The following ARHGAP44 variants were observed in gnomAD, a reference collection of about 807,000 sequenced individuals.
The protein encoded by ARHGAP44 is rho GTPase-activating protein 44.
ARHGAP44 carries 43 observed loss-of-function variants against 106.8 expected under a neutral mutation model. The observed-to-expected ratio is 0.40, with a 90% CI of 0.32 to 0.52. The LOEUF is 0.52. Ranked by LOEUF, ARHGAP44 falls within the 20% of genes least tolerant of loss-of-function variation. The pLI is 0.48. For synonymous variants in ARHGAP44, 439 were observed against 410.3 expected (o/e 1.07, Z -0.85); for missense variants, 866 against 1,050.5 (o/e 0.82, Z 2.43).
chr17:12,969,221 A>C (rs1467840131), intron 16 of ARHGAP44, among the ~76,000 whole-genome samples: 1 of 152,170 alleles, frequency 6.6e-6, no homozygotes, highest in Non-Finnish European at 1.5e-5. Flanking sequence ...GCTGTGCCTG[A>C]TGTCAGCAGT....
In ARHGAP44 at chr17:12,989,345, C is replaced by T. The variant is rs115565394; in HGVS notation, c.2318-687C>T. Among the ~76,000 whole-genome samples the T allele has an allele frequency of 4.6e-3, 705 of 152,216 alleles. 7 individuals carry two copies. Among genetic ancestry groups the T allele is most frequent in the African/African-American group, 0.016 (672 of 41,524 alleles). On this transcript the variant is annotated intron_variant, in intron 20 of 20. Coordinates refer to ENST00000379672, the MANE Select transcript of ARHGAP44 (RefSeq NM_014859.6). The stretch of plus-strand genomic sequence containing the variant: ...CAGCTGCCAGTCTAAGGACTTCTGT[C>T]GTCTTTGCCGACTCAGAGACGTCCA...
At chr17:12,879,700 C>T (rs199602138) in intron 1 of ARHGAP44, among the ~76,000 whole-genome samples, 8 of 19,378 alleles carry the variant, frequency 4.1e-4, no homozygotes, top group Admixed American at 1.5e-3. Flanking sequence ...TATATATACA[C>T]ATACACACAC....
intron 6 of ARHGAP44, among the ~76,000 whole-genome samples, chr17:12,926,475 AATAT>A (rs5819391): frequency 0.14 from 18,081 of 130,020 alleles, 2,048 homozygotes; most frequent in African/African-American, 0.32. Flanking sequence ...TAATATATAT[AATAT>A]ATATGTATGT....
At chr17:12,904,793 C>T (rs1478422464) in intron 3 of ARHGAP44, among the ~76,000 whole-genome samples, 2 of 152,152 alleles carry the variant, frequency 1.3e-5, no homozygotes, top group Non-Finnish European at 2.9e-5. Context: ...AAAGGATACA[C>T]AAAATCTGGT....
At chr17:12,902,253 C>T (rs533651493) in intron 3 of ARHGAP44, among the ~76,000 whole-genome samples, 3 of 152,196 alleles carry the variant, frequency 2.0e-5, no homozygotes, top group African/African-American at 7.2e-5. Context: ...CTGAGCATGC[C>T]CAGCTCACAC....
At chr17:12,973,418 T>A (rs1195129129) in intron 17 of ARHGAP44, 99 bp downstream of exon 17, 5 of 1,313,542 alleles carry the variant, frequency 3.8e-6, no homozygotes, top group Non-Finnish European at 5.3e-6. Flanking sequence ...ATGCGCCGCG[T>A]CTGGTTGCTT....
At position 12,954,530 on chromosome 17, in the gene ARHGAP44, G is replaced by A. The variant is rs369457960; in HGVS notation, c.1137-1337G>A. ...GGGGCATGGCCAGGAGAGGCCGTGCGTGGAGTTGTCACAGTGACAGCTAAG... is the reference window on the plus strand; with the variant it reads ...GGGGCATGGCCAGGAGAGGCCGTGCATGGAGTTGTCACAGTGACAGCTAAG... On this transcript the variant is annotated intron_variant, in intron 13 of 20. Transcript: ENST00000379672. 3.2e-4 allele frequency among the ~76,000 whole-genome samples: 48 copies of A among 152,290 alleles called. 4 individuals are homozygous for A. The highest frequency in any genetic ancestry group is 1.7e-3 in the Admixed American group (26 of 15,298).
intron 1 of ARHGAP44, among the ~76,000 whole-genome samples, chr17:12,860,856 CTTTTTTTT>C (rs71144929): frequency 7.4e-6 from 1 of 135,814 alleles, no homozygotes; most frequent in African/African-American, 2.9e-5. Context: ...TTTTTCTATT[CTTTTTTTT>C]TTTTTTTTTT....
intron 1 of ARHGAP44, among the ~76,000 whole-genome samples, chr17:12,889,118 T>TTCTTTCTTTTTTTTTA (rs1204447329): frequency 6.6e-6 from 1 of 152,242 alleles, no homozygotes; most frequent in African/African-American, 2.4e-5. Context: ...TGTTTATTTT[T>TTCTTTCTTTTTTTTTA]TGTTTTCTGT....
At chr17:12,853,459 C>G (rs2035821297) in intron 1 of ARHGAP44, among the ~76,000 whole-genome samples, 1 of 151,916 alleles carries the variant, frequency 6.6e-6, no homozygotes. Flanking sequence ...GTGGAGAAAA[C>G]AAAAAATAGA....
chr17:12,794,309 T>C (rs189398972), intron 1 of ARHGAP44, among the ~76,000 whole-genome samples: 3 of 152,044 alleles, frequency 2.0e-5, no homozygotes, highest in African/African-American at 7.3e-5. Flanking sequence ...TTTTCCAGTC[T>C]GCACAGTGGG....
intron 1 of ARHGAP44, among the ~76,000 whole-genome samples, chr17:12,800,790 A>G (rs1216940975): frequency 6.6e-6 from 1 of 152,172 alleles, no homozygotes; most frequent in Non-Finnish European, 1.5e-5. Context: ...CCAGATTTGA[A>G]CCAGGGCCTA....
intron 13 of ARHGAP44, 141 bp downstream of exon 13, chr17:12,952,722 C>CTTTT (rs201371135): frequency 1.9e-4 from 60 of 307,888 alleles, no homozygotes; most frequent in South Asian, 5.0e-4. Context: ...TGCATGGTCT[C>CTTTT]TTTTTTTTTT....
chr17:12,940,261 C>G (rs766024052), intron 7 of ARHGAP44, among the ~76,000 whole-genome samples: 8 of 152,148 alleles, frequency 5.3e-5, no homozygotes, highest in Non-Finnish European at 8.8e-5. Context: ...GATCGTATGA[C>G]TTGAGCAAGC....
intron 19 of ARHGAP44, 115 bp from the exon 20 acceptor site, chr17:12,984,416 C>A: frequency 1.8e-6 from 2 of 1,141,826 alleles, no homozygotes; most frequent in East Asian, 3.0e-5. Flanking sequence ...GGGTGGGTGG[C>A]GAGGGGCAGG....
rs143155531 is a variant in ARHGAP44, at chr17:12,808,933, G to A, written c.53+19042G>A. On this transcript the variant is annotated intron_variant, in intron 1 of 20. Coordinates refer to ENST00000379672, the MANE Select transcript of ARHGAP44 (RefSeq NM_014859.6). ...CATGTCTTTGTGAATACATAAAACTGAATGCTTTTAACAGCACCCAGGTTA... is the reference window on the plus strand; with the variant it reads ...CATGTCTTTGTGAATACATAAAACTAAATGCTTTTAACAGCACCCAGGTTA... Among the ~76,000 whole-genome samples the A allele has an allele frequency of 1.3e-3, 193 of 152,292 alleles. 1 individual carries two copies. Among genetic ancestry groups the A allele is most frequent in the African/African-American group, 4.1e-3 (172 of 41,566 alleles).
Position 12,958,628 on chromosome 17 carries a change from G to C in ARHGAP44, c.1343-89G>C. The C allele has an allele frequency of 8.0e-7, 1 of 1,250,688 alleles. No homozygotes were observed. Among genetic ancestry groups the C allele is most frequent in the Non-Finnish European group, 1.1e-6 (1 of 882,888 alleles). 77.5% of individuals were successfully genotyped at this position (1,250,688 alleles called of 1,614,324 possible). A position where few individuals can be genotyped will look rare whatever the true frequency, so the allele number is the denominator to read the frequency against. ...AAATTTTCTAGGGATGACATACGAG[G>C]GAGTGGGTGTCTGGACTCATTCCTC... On this transcript the variant is annotated intron_variant, in intron 15 of 20. Coordinates refer to ENST00000379672, the MANE Select transcript of ARHGAP44 (RefSeq NM_014859.6). The surrounding 1 kb of genome is among the most constrained non-coding windows in gnomAD (Gnocchi z 4.1).
chr17:12,980,317 T>C, intron 19 of ARHGAP44, 84 bp downstream of exon 19: 1 of 1,416,558 alleles, frequency 7.1e-7, no homozygotes, highest in Non-Finnish European at 9.5e-7. Context: ...TCTATGAACT[T>C]GGATATTGAG....
chr17:12,980,242 C>A lies in ARHGAP44; in HGVS notation c.1939+9C>A. 2 of 1,599,190 alleles carry A rather than the reference C, an allele frequency of 1.3e-6. No individual in the cohort carries two copies. The highest frequency in any genetic ancestry group is 1.7e-6 in the Non-Finnish European group (2 of 1,172,034). ...TCACACCCTCCGGAAAGGTATGGCC[C>A]TGCTTCCCTTCTCCTTGGTCTCAGG... is the stretch of plus-strand genomic sequence containing the variant. On this transcript the variant is annotated intron_variant, in intron 19 of 20. Transcript: ENST00000379672.
Sources: allele counts gnomAD v4.1 joint callset (sites outside exome capture counted in the v4.1 genomes callset), GRCh38; gene constraint gnomAD v4.1.1; non-coding constraint Gnocchi (gnomAD v3.1); transcripts MANE v1.5; gene names NCBI Gene and HGNC (gene_info 2026-07-23, HGNC 2026-07-21).